The following FALEC variants were observed in gnomAD, a reference collection of about 807,000 sequenced individuals.
FALEC encodes the protein focally amplified lncRNA on chromosome 1.
chr1:150,536,383 C>T, the FALEC span, among the ~76,000 whole-genome samples: 13 of 152,348 alleles, frequency 8.5e-5, no homozygotes, highest in East Asian at 1.9e-4. Context: ...GACTTGACAC[C>T]TGTGAGGACC....
intron 1 of FALEC, among the ~76,000 whole-genome samples, chr1:150,516,858 T>A (rs1253237729): frequency 1.3e-5 from 2 of 152,200 alleles, no homozygotes; most frequent in Non-Finnish European, 2.9e-5. Flanking sequence ...TAACGAAGAC[T>A]ACAACACCAC....
chr1:150,520,499 T>A (rs1316582394), downstream of FALEC, among the ~76,000 whole-genome samples: 1 of 152,222 alleles, frequency 6.6e-6, no homozygotes. Context: ...CAGAACTTCA[T>A]TCCCTTTTAT....
At chr1:150,521,100 C>G (rs1670637009), downstream of FALEC, among the ~76,000 whole-genome samples, 1 of 152,076 alleles carries the variant, frequency 6.6e-6, no homozygotes, top group Non-Finnish European at 1.5e-5. Flanking sequence ...CACGCCCGGC[C>G]TCATTTTCAT....
chr1:150,522,855 A>C (rs753499822), downstream of FALEC, among the ~76,000 whole-genome samples: 494 of 118,028 alleles, frequency 4.2e-3, 63 homozygotes, highest in East Asian at 0.015. Context: ...CTCTCTCTAT[A>C]TATATATATA....
chr1:150,536,566 A>C, the FALEC span, among the ~76,000 whole-genome samples: 1 of 152,210 alleles, frequency 6.6e-6, no homozygotes, highest in Non-Finnish European at 1.5e-5. Flanking sequence ...CTGATGCAGA[A>C]GGATCACTGG....
chr1:150,522,832 A>ACTCT (rs71732573), downstream of FALEC, among the ~76,000 whole-genome samples: 3 of 59,564 alleles, frequency 5.0e-5, no homozygotes, highest in African/African-American at 9.5e-5. Flanking sequence ...GGATTAATGA[A>ACTCT]CTCTCTCTCT....
intron 1 of FALEC, chr1:150,516,089 C>CA (rs587655654): frequency 0.028 from 3,667 of 131,324 alleles, 80 homozygotes; most frequent in African/African-American, 0.062. Flanking sequence ...ACTAAAAATA[C>CA]AAAAAAAAAA....
chr1:150,536,310 T>C, the FALEC span, among the ~76,000 whole-genome samples: 1 of 152,102 alleles, frequency 6.6e-6, no homozygotes, highest in Non-Finnish European at 1.5e-5. Flanking sequence ...GTGGTGGCCA[T>C]AGAATGGAGG....
chr1:150,532,031 C>T, the FALEC span, among the ~76,000 whole-genome samples: 2 of 152,164 alleles, frequency 1.3e-5, no homozygotes, highest in South Asian at 2.1e-4. Flanking sequence ...CTCAGCCTCC[C>T]GAGTAGCTGG....
the FALEC span, among the ~76,000 whole-genome samples, chr1:150,526,238 T>C: frequency 6.7e-6 from 1 of 149,690 alleles, no homozygotes; most frequent in East Asian, 2.0e-4. Context: ...TAGTCCCAGC[T>C]ACTCAGGAGG....
chr1:150,527,631 G>A, the FALEC span, among the ~76,000 whole-genome samples: 12,417 of 152,108 alleles, frequency 0.082, 665 homozygotes, highest in Non-Finnish European at 0.12. Context: ...CTGGAACCTG[G>A]AATTTGAGAC....
At chr1:150,535,630 C>T in the FALEC span, among the ~76,000 whole-genome samples, 4 of 152,214 alleles carry the variant, frequency 2.6e-5, no homozygotes, top group Admixed American at 6.6e-5. Context: ...TGTTCAGTTA[C>T]GGGCTTTATG....
chr1:150,536,036 G>T, the FALEC span, among the ~76,000 whole-genome samples: 1 of 152,336 alleles, frequency 6.6e-6, no homozygotes, highest in African/African-American at 2.4e-5. Context: ...GTACTGAAAA[G>T]TTAATAACAT....
chr1:150,534,634 G>A, the FALEC span, among the ~76,000 whole-genome samples: 2 of 152,054 alleles, frequency 1.3e-5, no homozygotes, highest in Admixed American at 1.3e-4. Flanking sequence ...ATGAGGTCAG[G>A]AAATCGAGAC....
At chr1:150,520,584 G>A (rs1374146147), downstream of FALEC, among the ~76,000 whole-genome samples, 1 of 151,896 alleles carries the variant, frequency 6.6e-6, no homozygotes, top group African/African-American at 2.4e-5. Flanking sequence ...CCATTCATCT[G>A]TTGATGGACA....
chr1:150,523,393 C>A, the FALEC span, among the ~76,000 whole-genome samples: 4 of 151,358 alleles, frequency 2.6e-5, no homozygotes, highest in Non-Finnish European at 4.4e-5. Context: ...GTGGCTCATG[C>A]CTGTAATCCT....
downstream of FALEC, among the ~76,000 whole-genome samples, chr1:150,520,245 G>T (rs1019963436): frequency 2.0e-5 from 3 of 152,098 alleles, no homozygotes; most frequent in African/African-American, 4.8e-5. Flanking sequence ...TCACAATATT[G>T]TACAACCGTC....
intron 1 of FALEC, chr1:150,517,707 T>C (rs1670588117): frequency 6.6e-6 from 1 of 152,264 alleles, no homozygotes; most frequent in Non-Finnish European, 1.5e-5. Context: ...CTAGGACTTC[T>C]AGCCTCCAGA....
At chr1:150,519,686 C>A (rs1670614632), downstream of FALEC, among the ~76,000 whole-genome samples, 1 of 151,058 alleles carries the variant, frequency 6.6e-6, no homozygotes, top group African/African-American at 2.4e-5. Context: ...GAAACCCCGT[C>A]TCTACTGAAA....
Sources: allele counts gnomAD v4.1 joint callset (sites outside exome capture counted in the v4.1 genomes callset), GRCh38; gene constraint gnomAD v4.1.1; transcripts MANE v1.5; gene names NCBI Gene and HGNC (gene_info 2026-07-23, HGNC 2026-07-21).